Variants in NCAM1 observed in about 807,000 individuals in gnomAD.
NCAM1 encodes antigen recognized by monoclonal antibody 5.1H11.
Under a neutral mutation model 109.8 loss-of-function variants are expected in NCAM1, and 14 were observed. The observed-to-expected ratio is 0.13, with a 90% confidence interval of 0.08 to 0.20. NCAM1 has a LOEUF of 0.20. Ranked by LOEUF, NCAM1 falls within the 10% of genes least tolerant of loss-of-function variation. The pLI is 1.00. For synonymous variants in NCAM1, 418 were observed against 442.9 expected (o/e 0.94, Z 0.70); for missense variants, 774 against 1,109.9 (o/e 0.70, Z 4.30).
chr11:113,032,212 A>T (rs1161515713), intron 1 of NCAM1, among the ~76,000 whole-genome samples: 1 of 152,186 alleles, frequency 6.6e-6, no homozygotes, highest in Non-Finnish European at 1.5e-5. Context: ...CAAATAAAAA[A>T]CTTAATTTGA....
At chr11:113,000,679 T>C (rs1591232267) in intron 1 of NCAM1, among the ~76,000 whole-genome samples, 1 of 151,698 alleles carries the variant, frequency 6.6e-6, no homozygotes, top group African/African-American at 2.4e-5. Context: ...GATCTTTGGG[T>C]GTTCTGTGGT....
rs537932611 is a variant in NCAM1, at chr11:113,171,613, G to A, written c.53-30766G>A. 9.2e-5 allele frequency among the ~76,000 whole-genome samples: 14 copies of A among 151,754 alleles called. 1 individual carries two copies. Among genetic ancestry groups the A allele is most frequent in the Non-Finnish European group, 2.1e-4 (14 of 67,970 alleles). On this transcript the variant is annotated intron_variant, in intron 1 of 19. Coordinates refer to ENST00000316851, the MANE Select transcript of NCAM1 (RefSeq NM_181351.5). ...CATGCCACTGCACTGCAGCCTAGGCGACAGAGTGAGACTTTGTCTCAATAA... is the reference window on the plus strand; with the variant it reads ...CATGCCACTGCACTGCAGCCTAGGCAACAGAGTGAGACTTTGTCTCAATAA...
chr11:113,153,543 G>T (rs1353856608), intron 1 of NCAM1, among the ~76,000 whole-genome samples: 1 of 152,132 alleles, frequency 6.6e-6, no homozygotes, highest in Non-Finnish European at 1.5e-5. Context: ...GCTTGGCTGT[G>T]TGGATAGATG....
chr11:113,144,957 T>C (rs1941962145), intron 1 of NCAM1, among the ~76,000 whole-genome samples: 1 of 152,236 alleles, frequency 6.6e-6, no homozygotes, highest in Admixed American at 6.5e-5. Flanking sequence ...TCAAGACTCA[T>C]TATGTTATGT....
chr11:113,109,544 A>G (rs1191742785), intron 1 of NCAM1, among the ~76,000 whole-genome samples: 2 of 152,160 alleles, frequency 1.3e-5, no homozygotes, highest in Non-Finnish European at 2.9e-5. Context: ...TTAATCCCCA[A>G]TTTTGGACAA....
At position 113,271,937 on chromosome 11, in the gene NCAM1, C is replaced by T. The variant is rs1946290610; in HGVS notation, c.2456+61C>T. 3.1e-6 allele frequency: 4 copies of T among 1,305,548 alleles called. No homozygotes were observed. The South Asian group carries it at 4.0e-5, about 13-fold the overall frequency. The allele number at this position is 1,305,548 out of a possible 1,614,324, so 80.9% of individuals were successfully genotyped here. ...AGAGACCCCCACACCCACCTCCCCA[C>T]CCTACCCCCACCTCCCGTGCCCCTA... On this transcript the variant is annotated intron_variant, in intron 19 of 19. Coordinates refer to ENST00000316851, the MANE Select transcript of NCAM1 (RefSeq NM_181351.5).
rs535803152 is a variant in NCAM1 at position 113,188,164 on chromosome 11, G to A, written c.53-14215G>A. Among the ~76,000 whole-genome samples, 3 of 152,300 alleles carry A rather than the reference G, an allele frequency of 2.0e-5. No homozygotes were observed. The South Asian group carries it at 6.2e-4, about 32-fold the overall frequency. On this transcript the variant is annotated intron_variant, in intron 1 of 19. Coordinates refer to ENST00000316851, the MANE Select transcript of NCAM1 (RefSeq NM_181351.5). ...GGGTGTGAGGAGAGAGAGAGCCAAA[G>A]GGGAATGAAGGTAGGGATGCTGTTA...
In NCAM1 at chr11:112,963,210, C is replaced by T. The variant is rs1555063970; in HGVS notation, c.52+1546C>T. On this transcript the variant is annotated intron_variant, in intron 1 of 19. Coordinates refer to ENST00000316851, the MANE Select transcript of NCAM1 (RefSeq NM_181351.5). The surrounding 1 kb of genome is among the most constrained non-coding windows in gnomAD (Gnocchi z 4.6). ...CAGCCTAACGGTCTCGCTCACTCAC[C>T]GCCAAGAGAAACCCCGCCCTGCGGC... 6.6e-6 allele frequency: 1 copy of T among 152,476 alleles called. No homozygotes were observed. Among genetic ancestry groups the T allele is most frequent in the African/African-American group, 2.4e-5 (1 of 41,478 alleles). 9.4% of individuals were successfully genotyped at this position (152,476 alleles called of 1,614,324 possible). A position where few individuals can be genotyped will look rare whatever the true frequency, so the allele number is the denominator to read the frequency against.
At chr11:113,062,985 C>T (rs1412853931) in intron 1 of NCAM1, among the ~76,000 whole-genome samples, 5 of 151,908 alleles carry the variant, frequency 3.3e-5, no homozygotes, top group Admixed American at 3.3e-4. Context: ...AGGAAGGAAA[C>T]CAGGTCTGTG....
At chr11:113,098,950 A>G (rs182784305) in intron 1 of NCAM1, among the ~76,000 whole-genome samples, 55 of 152,354 alleles carry the variant, frequency 3.6e-4, no homozygotes, top group Non-Finnish European at 7.2e-4. Context: ...ATCATTGTTT[A>G]CAAGAACTAT....
At chr11:112,972,365 T>G in intron 1 of NCAM1, among the ~76,000 whole-genome samples, 1 of 152,236 alleles carries the variant, frequency 6.6e-6, no homozygotes, top group East Asian at 1.9e-4. Flanking sequence ...CCACAAGTAT[T>G]TATGTGGCAG....
At chr11:113,210,083 G>C (rs1027284695) in intron 7 of NCAM1, among the ~76,000 whole-genome samples, 28 of 152,100 alleles carry the variant, frequency 1.8e-4, no homozygotes, top group African/African-American at 6.3e-4. Context: ...TGAAGGAACT[G>C]TCATTAGTTC....
chr11:113,207,797 C>A lies in NCAM1; in HGVS notation c.747-36C>A. 3.2e-6 allele frequency: 5 copies of A among 1,574,012 alleles called. No individual in the cohort carries two copies. The South Asian group carries it at 4.6e-5, about 15-fold the overall frequency. On this transcript the variant is annotated intron_variant, in intron 6 of 19. Coordinates refer to ENST00000316851, the MANE Select transcript of NCAM1 (RefSeq NM_181351.5). Reference sequence around the variant, plus strand: ...AAAATAAACGTCTTATTTCTGTGGTCGAAATCATGCTACTTTGCATTTCTA... The same window carrying A: ...AAAATAAACGTCTTATTTCTGTGGTAGAAATCATGCTACTTTGCATTTCTA...
chr11:113,175,644 T>C (rs1428053532), intron 1 of NCAM1, among the ~76,000 whole-genome samples: 1 of 152,238 alleles, frequency 6.6e-6, no homozygotes, highest in Non-Finnish European at 1.5e-5. Context: ...GCTTTGCTTC[T>C]TTTCTTCACA....
intron 1 of NCAM1, among the ~76,000 whole-genome samples, chr11:113,177,737 A>T (rs1943208703): frequency 6.6e-6 from 1 of 152,146 alleles, no homozygotes; most frequent in Admixed American, 6.5e-5. Context: ...CCTGGCAGAG[A>T]GCATCATGTC....
chr11:112,979,954 C>T (rs1056668223), intron 1 of NCAM1, among the ~76,000 whole-genome samples: 3 of 151,694 alleles, frequency 2.0e-5, no homozygotes, highest in Non-Finnish European at 4.4e-5. Flanking sequence ...ACACACTTGA[C>T]AAAATGCGAC....
chr11:113,031,837 T>C (rs948779157), intron 1 of NCAM1, among the ~76,000 whole-genome samples: 1 of 152,204 alleles, frequency 6.6e-6, no homozygotes, highest in African/African-American at 2.4e-5. Flanking sequence ...AGTATTGATT[T>C]GGGGGTTACA....
chr11:113,132,886 G>A (rs1459710184), intron 1 of NCAM1: 1 of 152,356 alleles, frequency 6.6e-6, no homozygotes, highest in East Asian at 1.9e-4. Flanking sequence ...CTCTTCCACA[G>A]GGCCATGTAT....
intron 1 of NCAM1, among the ~76,000 whole-genome samples, chr11:113,128,558 G>A (rs891861746): frequency 6.6e-5 from 10 of 151,992 alleles, no homozygotes; most frequent in African/African-American, 2.2e-4. Flanking sequence ...TGGTGACAAC[G>A]AACTCTGCTT....
Sources: gnomAD v4.1 joint callset for allele counts (sites outside exome capture counted in the v4.1 genomes callset) on GRCh38, gnomAD v4.1.1 for gene constraint, Gnocchi (gnomAD v3.1) non-coding constraint, MANE v1.5 for transcripts, NCBI Gene and HGNC (gene_info 2026-07-23, HGNC 2026-07-21) for gene names.